Variants in XPO5 observed in about 807,000 individuals in gnomAD.
XPO5 encodes exportin 5.
XPO5 carries 46 observed loss-of-function variants against 160.6 expected under a neutral mutation model. The observed-to-expected ratio is 0.29, with a 90% CI of 0.23 to 0.37. The LOEUF (loss-of-function observed/expected upper bound fraction) is 0.37. XPO5 is among the 10% of genes least tolerant of loss of function. XPO5 has a pLI of 1.00. For synonymous variants in XPO5, 537 were observed against 519.3 expected, an observed-to-expected ratio of 1.03 and a Z score of -0.46; for missense variants, 1,090 against 1,463.9, an observed-to-expected ratio of 0.74 and a Z score of 4.17.
intron 20 of XPO5, among the ~76,000 whole-genome samples, chr6:43,536,486 C>T (rs904343278): frequency 7.9e-5 from 12 of 151,104 alleles, no homozygotes; most frequent in Admixed American, 6.6e-4. Flanking sequence ...TGGCCAGATG[C>T]GGTGGCTTAT....
intron 20 of XPO5, among the ~76,000 whole-genome samples, chr6:43,542,456 CTGGAGTACGGT>C (rs774952420): frequency 6.6e-5 from 10 of 152,166 alleles, no homozygotes; most frequent in Non-Finnish European, 1.5e-4. Context: ...GTTGCCCAGG[CTGGAGTACGGT>C]AACATGATCT....
rs377196219 is a variant in XPO5 at position 43,531,525 on chromosome 6, C to T, written c.2494G>A (p.Val832Ile). The change falls in exon 22 of 32, where the codon GTC (valine) becomes ATC (isoleucine). Residue 832 changes from valine to isoleucine, a missense_variant. This residue lies in a region of XPO5 where 810 missense variants were observed against 1,139.0 expected (regional missense o/e 0.71). Transcript: ENST00000265351. ...AAGAAACGCTGCATTCTTTCCAAGA[C>T]GGTTTTGAAGACAGGAGAGTCATTG... ...ELNDSPVFKT[V>I]LERMQRFFST... is the part of the protein sequence containing the mutation. The T allele has an allele frequency of 9.7e-4, 1,568 of 1,613,914 alleles. 30 individuals carry two copies. In the South Asian group the frequency reaches 0.016, roughly 17 times the overall value.
chr6:43,524,003 T>C lies in XPO5; in HGVS notation c.3480A>G (p.Lys1160=), dbSNP rs1387146137. The change falls in exon 32 of 32, where the codon AAA becomes AAG. Residue 1160 remains lysine (K), a splice_region_variant and synonymous_variant. Transcript: ENST00000265351. ...FKRLIAGCIG[K]PLGEQFRKEV... is the part of the protein sequence containing the mutation. The stretch of plus-strand genomic sequence containing the variant: ...CTTTTCGGAACTGCTCTCCCAAGGG[T>C]TTCTGTGGAAAACAAATGAGAAAGA... The C allele has an allele frequency of 6.2e-7, 1 of 1,612,304 alleles. No homozygotes were observed. The highest frequency in any genetic ancestry group is 8.5e-7 in the Non-Finnish European group (1 of 1,179,770).
At chr6:43,561,199 T>C (rs925938517) in intron 9 of XPO5, among the ~76,000 whole-genome samples, 192 bp from the exon 10 acceptor site, 11 of 152,080 alleles carry the variant, frequency 7.2e-5, no homozygotes, top group Non-Finnish European at 1.3e-4. Flanking sequence ...TACTCAATCA[T>C]CATCATTACT....
intron 28 of XPO5, 189 bp downstream of exon 28, chr6:43,525,650 A>G (rs940727006): frequency 1.8e-5 from 11 of 607,300 alleles, no homozygotes; most frequent in African/African-American, 7.4e-5. Context: ...GCTCCTGCCT[A>G]TGCTGGTATG....
intron 6 of XPO5, among the ~76,000 whole-genome samples, chr6:43,568,113 C>A (rs1207324566): frequency 6.6e-6 from 1 of 151,406 alleles, no homozygotes; most frequent in East Asian, 1.9e-4. Context: ...TTGAGACTAT[C>A]CTGGCTAACA....
At chr6:43,542,519 C>T (rs1455183344) in intron 20 of XPO5, among the ~76,000 whole-genome samples, 1 of 152,094 alleles carries the variant, frequency 6.6e-6, no homozygotes, top group Middle Eastern at 3.2e-3. Context: ...AAGCGATTCT[C>T]CTACCTCAGC....
At position 43,546,696 on chromosome 6, in the gene XPO5, A is replaced by G. The variant is rs1345685599; in HGVS notation, c.2217T>C (p.Thr739=). Residue 739 remains threonine, a synonymous_variant, in exon 20 of 32, where the codon ACT becomes ACC. Transcript: ENST00000265351. The part of the protein sequence containing the change: ...LGVVKRTCWP[T]DLEEAKAGGF... ...CCCCAGCTTTGGCCTCTTCTAGGTC[A>G]GTGGGCCAGCAAGTTCGTTTCACCA... The G allele has an allele frequency of 6.2e-7, 1 of 1,613,194 alleles. No individual in the cohort carries two copies. The highest frequency in any genetic ancestry group is 8.5e-7 in the Non-Finnish European group (1 of 1,179,536).
Position 43,576,001 on chromosome 6 carries a change from G to A in XPO5, c.-137C>T. The A allele has an allele frequency of 2.8e-6, 2 of 723,740 alleles. No individual in the cohort carries two copies. The highest frequency in any genetic ancestry group is 4.5e-6 in the Non-Finnish European group (2 of 448,822). 44.8% of individuals were successfully genotyped at this position (723,740 alleles called of 1,614,324 possible). A position where few individuals can be genotyped will look rare whatever the true frequency, so the allele number is the denominator to read the frequency against. On this transcript the variant is annotated 5_prime_UTR_variant, in exon 1 of 32. Coordinates refer to ENST00000265351, the MANE Select transcript of XPO5 (RefSeq NM_020750.3). ...GTGGGAAGCTGGAGGAGGAGCGTTA[G>A]CAGCAACTCGCGCTGGGAAGAAGCC...
At chr6:43,525,661 GGA>G in intron 28 of XPO5, 176 bp downstream of exon 28, 2 of 630,120 alleles carry the variant, frequency 3.2e-6, no homozygotes, top group Non-Finnish European at 5.4e-6. Context: ...TGCTGGTATG[GGA>G]GACACCATGG....
chr6:43,526,444 G>T, intron 27 of XPO5: 1 of 546,204 alleles, frequency 1.8e-6, no homozygotes, highest in Non-Finnish European at 3.3e-6. Context: ...TTGGAATAAA[G>T]CAAGAGAAAA....
rs935917974 is a variant in XPO5, at chr6:43,555,953, G to C, written c.1324C>G (p.Gln442Glu). 6.2e-7 allele frequency: 1 copy of C among 1,613,610 alleles called. No individual in the cohort carries two copies. The highest frequency in any genetic ancestry group is 8.5e-7 in the Non-Finnish European group (1 of 1,179,772). ...FNAFFNSSRA[Q>E]QGEVMRLACR... ...GCCAACCTCATCACCTCTCCTTGTT[G>C]TGCTCGGGAGGCTGCCAAGAGAAAA... The change falls in exon 13 of 32, where the codon CAA (glutamine) becomes GAA (glutamate). Residue 442 changes from glutamine to glutamate, a missense_variant. Gln to Glu is a conservative substitution (Grantham distance 29, BLOSUM62 2). Coordinates refer to ENST00000265351, the MANE Select transcript of XPO5 (RefSeq NM_020750.3).
intron 12 of XPO5, among the ~76,000 whole-genome samples, chr6:43,557,814 G>T: frequency 6.8e-6 from 1 of 147,300 alleles, no homozygotes; most frequent in African/African-American, 2.5e-5. Context: ...AAAAAAGGAG[G>T]CTGGGCGCGG....
chr6:43,524,673 T>G (rs1453481399), intron 30 of XPO5, 38 bp from the exon 31 acceptor site: 1 of 1,602,298 alleles, frequency 6.2e-7, no homozygotes, highest in South Asian at 1.1e-5. Flanking sequence ...GATGTAGGTT[T>G]GGATATTGCC....
intron 6 of XPO5, among the ~76,000 whole-genome samples, chr6:43,568,003 T>C (rs1582245483): frequency 6.8e-6 from 1 of 147,548 alleles, no homozygotes; most frequent in South Asian, 2.1e-4. Context: ...CATAGCTCAG[T>C]GATCAAAAAC....
At chr6:43,544,634 A>G (rs1195514087) in intron 20 of XPO5, among the ~76,000 whole-genome samples, 1 of 152,112 alleles carries the variant, frequency 6.6e-6, no homozygotes, top group African/African-American at 2.4e-5. Flanking sequence ...TTTAAAAAAC[A>G]TCACTATGGG....
intron 14 of XPO5, among the ~76,000 whole-genome samples, chr6:43,552,071 A>G (rs1795253807): frequency 6.6e-6 from 1 of 152,178 alleles, no homozygotes. Flanking sequence ...TTTCATATTT[A>G]TCAGCTACTT....
At chr6:43,562,212 G>C (rs775607745) in intron 9 of XPO5, 35 bp downstream of exon 9, 1 of 1,546,602 alleles carries the variant, frequency 6.5e-7, no homozygotes, top group African/African-American at 1.4e-5. Context: ...TCCCAAATGG[G>C]CTTGAAGCTC....
At chr6:43,526,782 T>C (rs1243673820) in intron 26 of XPO5, 35 bp from the exon 27 acceptor site, 4 of 1,606,514 alleles carry the variant, frequency 2.5e-6, no homozygotes, top group Admixed American at 1.7e-5. Context: ...AGGTGAAGGG[T>C]GGGTATATAC....
Sources: gnomAD v4.1 joint callset for allele counts (sites outside exome capture counted in the v4.1 genomes callset) on GRCh38, gnomAD v4.1.1 for gene constraint, gnomAD v4.1.1 regional missense constraint, MANE v1.5 for transcripts, NCBI Gene and HGNC (gene_info 2026-07-23, HGNC 2026-07-21) for gene names.